DHDH: variants seen among roughly 807,000 people sequenced by gnomAD.
DHDH encodes dihydrodiol dehydrogenase.
In DHDH, 29 loss-of-function variants were observed where a neutral mutation model predicts 33.2. That is an observed-to-expected ratio of 0.87 (90% confidence interval 0.65 to 1.19). The LOEUF is 1.19. Among genes scored for constraint, DHDH ranks in the 50% most tolerant of loss-of-function variants. The probability of loss-of-function intolerance (pLI) is 0.00; values close to 1 mark genes in which losing one functional copy is unlikely to be tolerated. For missense variants in DHDH, 431 were observed against 455.0 expected, an observed-to-expected ratio of 0.95 and a Z score of 0.48; for synonymous variants, 201 against 187.9, an observed-to-expected ratio of 1.07 and a Z score of -0.57.
chr19:48,936,556 C>T (rs1022249544), intron 3 of DHDH, among the ~76,000 whole-genome samples: 6 of 151,430 alleles, frequency 4.0e-5, no homozygotes, highest in African/African-American at 1.5e-4. Flanking sequence ...ATTAGCTGGG[C>T]GTGGTGGCGG....
intron 2 of DHDH, among the ~76,000 whole-genome samples, 187 bp from the exon 3 acceptor site, chr19:48,935,845 A>T (rs1167188501): frequency 6.6e-6 from 1 of 152,156 alleles, no homozygotes. Flanking sequence ...TTAATTAAAA[A>T]TTTTAAAAAA....
chr19:48,939,406 G>T lies in DHDH; in HGVS notation c.367-43G>T, dbSNP rs540116754. On this transcript the variant is annotated intron_variant, in intron 3 of 6. Transcript: ENST00000221403. ...CCCCCTATGATTGGGACCCCAGAAG[G>T]GATTAGAACTGGTTGGTTAACTCCT... is the stretch of plus-strand genomic sequence containing the variant. The T allele has an allele frequency of 1.5e-5, 23 of 1,583,388 alleles. 1 individual carries two copies. In the African/African-American group the frequency reaches 3.1e-4, roughly 21 times the overall value.
chr19:48,941,545 C>A (rs988144680), intron 4 of DHDH, among the ~76,000 whole-genome samples: 4 of 152,052 alleles, frequency 2.6e-5, no homozygotes, highest in African/African-American at 9.7e-5. Context: ...CCACGCCTGG[C>A]TATGTTTGTT....
intron 3 of DHDH, among the ~76,000 whole-genome samples, chr19:48,938,165 C>T (rs1168230269): frequency 2.6e-5 from 4 of 151,974 alleles, no homozygotes; most frequent in South Asian, 2.1e-4. Context: ...GGCGTGATCT[C>T]GGCTCACTGC....
chr19:48,941,523 A>G (rs922161007), intron 4 of DHDH, among the ~76,000 whole-genome samples: 8 of 152,248 alleles, frequency 5.3e-5, no homozygotes, highest in Admixed American at 4.6e-4. Flanking sequence ...CTGGGCATAC[A>G]GATGTGGGCC....
chr19:48,941,281 A>G (rs1411127865), intron 4 of DHDH, among the ~76,000 whole-genome samples: 1 of 152,152 alleles, frequency 6.6e-6, no homozygotes, highest in African/African-American at 2.4e-5. Flanking sequence ...CCTGATGTGC[A>G]AGCACTTTTC....
At chr19:48,937,825 A>G (rs974246353) in intron 3 of DHDH, among the ~76,000 whole-genome samples, 1 of 151,064 alleles carries the variant, frequency 6.6e-6, no homozygotes, top group Non-Finnish European at 1.5e-5. Flanking sequence ...AAAAAAAAAA[A>G]AAAAAAAAGA....
In DHDH at chr19:48,944,947, A is replaced by G. The variant is rs1167934107; in HGVS notation, c.*14A>G. ...GACAAACGCTGATGTATCCCCGAAT[A>G]AATAAAGACATCTTACATCTTCGTG... On this transcript the variant is annotated 3_prime_UTR_variant, in exon 7 of 7. Transcript: ENST00000221403. 1.9e-6 allele frequency: 3 copies of G among 1,607,050 alleles called. No homozygotes were observed. In the African/African-American group the frequency reaches 4.0e-5, roughly 21 times the overall value.
At chr19:48,937,627 A>G (rs1225029193) in intron 3 of DHDH, among the ~76,000 whole-genome samples, 1 of 151,686 alleles carries the variant, frequency 6.6e-6, no homozygotes, top group Non-Finnish European at 1.5e-5. Context: ...CCTGTCTAAC[A>G]CAGTGAAACC....
intron 1 of DHDH, among the ~76,000 whole-genome samples, chr19:48,934,222 G>A (rs1468374116): frequency 1.3e-5 from 2 of 152,172 alleles, no homozygotes; most frequent in African/African-American, 4.8e-5. Flanking sequence ...AAAAGTCATC[G>A]CCATTCTCCA....
chr19:48,936,255 T>G, intron 3 of DHDH, 60 bp downstream of exon 3: 1 of 1,505,884 alleles, frequency 6.6e-7, no homozygotes, highest in South Asian at 1.3e-5. Flanking sequence ...TAAATATGGT[T>G]GCCAGTGCGC....
At chr19:48,944,707 T>C in intron 6 of DHDH, 117 bp from the exon 7 acceptor site, 2 of 1,194,562 alleles carry the variant, frequency 1.7e-6, no homozygotes, top group Non-Finnish European at 2.4e-6. Context: ...CAGGAACCCC[T>C]GCAGCATCCA....
At chr19:48,935,689 C>A (rs1300570876) in intron 2 of DHDH, among the ~76,000 whole-genome samples, 1 of 151,180 alleles carries the variant, frequency 6.6e-6, no homozygotes, top group Admixed American at 6.6e-5. Flanking sequence ...TGGTGGCGGG[C>A]GCCTGTAGTC....
At chr19:48,941,675 C>CTT (rs541784306) in intron 4 of DHDH, among the ~76,000 whole-genome samples, 185 of 131,144 alleles carry the variant, frequency 1.4e-3, no homozygotes, top group African/African-American at 3.2e-3. Flanking sequence ...GAACCACCGG[C>CTT]TTTTTTTTTT....
Position 48,944,823 on chromosome 19 carries a change from G to A in DHDH, c.896-1G>A. 1 of 1,612,962 alleles carries A rather than the reference G, an allele frequency of 6.2e-7. No homozygotes were observed. Among genetic ancestry groups the A allele is most frequent in the Non-Finnish European group, 8.5e-7 (1 of 1,179,794 alleles). On this transcript the variant is annotated splice_acceptor_variant, in intron 6 of 6. Coordinates refer to ENST00000221403, the MANE Select transcript of DHDH (RefSeq NM_014475.4). LOFTEE classifies it high-confidence loss of function. ...GGTCCCTAACTACACTCTCCCCACAGGTATGAAGGAAAGTCCTGTGATTCC... is the reference window on the plus strand; with the variant it reads ...GGTCCCTAACTACACTCTCCCCACAAGTATGAAGGAAAGTCCTGTGATTCC...
chr19:48,940,063 T>C (rs952131751), intron 4 of DHDH, among the ~76,000 whole-genome samples: 3 of 152,120 alleles, frequency 2.0e-5, no homozygotes, highest in African/African-American at 7.2e-5. Flanking sequence ...CAAAAAAGAC[T>C]ACCCCACTTG....
chr19:48,937,115 C>T (rs1014323160), intron 3 of DHDH, among the ~76,000 whole-genome samples: 2 of 151,970 alleles, frequency 1.3e-5, no homozygotes, highest in South Asian at 2.1e-4. Flanking sequence ...TAATCCTATC[C>T]GCCAGGACCC....
At chr19:48,935,165 CT>C (rs1214339211) in intron 2 of DHDH, 54 bp downstream of exon 2, 1 of 1,409,390 alleles carries the variant, frequency 7.1e-7, no homozygotes, top group African/African-American at 1.4e-5. Flanking sequence ...GCGGTGCCCC[CT>C]GGCTGCCCCC....
At position 48,944,892 on chromosome 19, in the gene DHDH, A is replaced by T; in HGVS notation, c.964A>T (p.Arg322Trp). The change falls in exon 7 of 7, where the codon AGG becomes TGG. Residue 322 changes from arginine (R) to tryptophan (W), a missense_variant. Coordinates refer to ENST00000221403, the MANE Select transcript of DHDH (RefSeq NM_014475.4). The stretch of plus-strand genomic sequence containing the variant: ...CCTGGCTGACATCCTTGAAGAGGTG[A>T]GGAAGGCCATTGGAGTCACCTTCCC... ...ELLADILEEV[R>W]KAIGVTFPQD... is the part of the protein sequence containing the mutation. The T allele has an allele frequency of 6.2e-7, 1 of 1,614,136 alleles. No individual in the cohort carries two copies. The highest frequency in any genetic ancestry group is 8.5e-7 in the Non-Finnish European group (1 of 1,180,032).
Sources: gnomAD v4.1 joint callset for allele counts (sites outside exome capture counted in the v4.1 genomes callset) on GRCh38, gnomAD v4.1.1 for gene constraint, MANE v1.5 for transcripts, NCBI Gene and HGNC (gene_info 2026-07-23, HGNC 2026-07-21) for gene names.